Variants in FMN1 observed in about 807,000 individuals in gnomAD.
The protein encoded by FMN1 is formin 1.
In FMN1, 110 loss-of-function variants were observed where a neutral mutation model predicts 132.4. That is an observed-to-expected ratio of 0.83 (90% CI 0.71 to 0.97). The LOEUF is 0.97. Ranked by LOEUF, FMN1 falls within the 50% of genes least tolerant of loss-of-function variation. The probability of loss-of-function intolerance (pLI) is 0.00; values close to 1 mark genes in which losing one functional copy is unlikely to be tolerated. For synonymous variants in FMN1, 722 were observed against 651.7 expected (o/e 1.11, Z -1.64); for missense variants, 1,792 against 1,705.3 (o/e 1.05, Z -0.90).
chr15:32,798,271 G>A (rs1048485904), intron 19 of FMN1, among the ~76,000 whole-genome samples: 54 of 151,712 alleles, frequency 3.6e-4, no homozygotes, highest in Admixed American at 5.3e-4. Flanking sequence ...AATAAAATCG[G>A]GGGCTGCAAC....
At position 33,153,934 on chromosome 15, in the gene FMN1, G is replaced by T; in HGVS notation, c.981C>A (p.Ser327=). The part of the protein sequence containing the change: ...AKRTCKQKPV[S]KVVAKVQDLS... ...GGTCCTGAACTTTGGCCACCACTTTGGAGACAGGTTTCTGCTTGCAAGTCC... is the reference window on the plus strand; with the variant it reads ...GGTCCTGAACTTTGGCCACCACTTTTGAGACAGGTTTCTGCTTGCAAGTCC... The change falls in exon 4 of 21, where the codon TCC becomes TCA. Residue 327 remains serine (S), a synonymous_variant. Transcript: ENST00000616417. The T allele has an allele frequency of 1.3e-6, 2 of 1,536,744 alleles. No individual in the cohort carries two copies. The highest frequency in any genetic ancestry group is 1.7e-6 in the Non-Finnish European group (2 of 1,147,054).
intron 4 of FMN1, among the ~76,000 whole-genome samples, chr15:33,130,351 A>G (rs1595543879): frequency 6.6e-6 from 1 of 152,374 alleles, no homozygotes; most frequent in African/African-American, 2.4e-5. Context: ...CTAAATATAT[A>G]GACAATTTTT....
chr15:33,147,128 G>A (rs1964255230), intron 4 of FMN1, among the ~76,000 whole-genome samples: 1 of 146,724 alleles, frequency 6.8e-6, no homozygotes, highest in African/African-American at 2.5e-5. Flanking sequence ...TCACGCCACT[G>A]TACTCTAGCC....
intron 3 of FMN1, among the ~76,000 whole-genome samples, chr15:33,173,500 A>G (rs140889409): frequency 6.6e-6 from 1 of 152,224 alleles, no homozygotes; most frequent in Non-Finnish European, 1.5e-5. Flanking sequence ...TAAGAACTCA[A>G]AATGGTCATT....
chr15:32,998,550 T>C (rs1566807715), intron 7 of FMN1, among the ~76,000 whole-genome samples: 3 of 152,302 alleles, frequency 2.0e-5, no homozygotes, highest in East Asian at 1.9e-4. Flanking sequence ...TACAGAATTA[T>C]TGAGTGAGGC....
chr15:32,963,626 G>C (rs956095633), intron 9 of FMN1, among the ~76,000 whole-genome samples: 1 of 152,206 alleles, frequency 6.6e-6, no homozygotes, highest in South Asian at 2.1e-4. Context: ...CAAATGCCTA[G>C]CATGGTAAAC....
intron 17 of FMN1, among the ~76,000 whole-genome samples, chr15:32,848,802 T>C (rs1003015816): frequency 1.3e-5 from 2 of 152,214 alleles, no homozygotes; most frequent in African/African-American, 4.8e-5. Flanking sequence ...CATACGCCTA[T>C]GAACCTCATC....
intron 17 of FMN1, among the ~76,000 whole-genome samples, chr15:32,811,819 C>G (rs574134406): frequency 1.3e-5 from 2 of 152,226 alleles, no homozygotes; most frequent in South Asian, 2.1e-4. Flanking sequence ...CACATGCCAC[C>G]ATGCCTGGCT....
chr15:33,127,850 G>A (rs1455978835), intron 4 of FMN1, among the ~76,000 whole-genome samples: 22 of 152,206 alleles, frequency 1.4e-4, no homozygotes, highest in Admixed American at 9.2e-4. Context: ...GTTGGTAAGA[G>A]AGAAGTGAGA....
chr15:32,798,348 T>C (rs1398415438), intron 19 of FMN1, among the ~76,000 whole-genome samples: 2 of 152,120 alleles, frequency 1.3e-5, no homozygotes, highest in Non-Finnish European at 2.9e-5. Flanking sequence ...GCGCTGTAAA[T>C]CCAATGCGGG....
At chr15:32,927,226 T>C (rs542736194) in intron 9 of FMN1, among the ~76,000 whole-genome samples, 363 of 152,334 alleles carry the variant, frequency 2.4e-3, no homozygotes, top group Non-Finnish European at 4.7e-3. Context: ...ATAAACAATA[T>C]AATACCTTGC....
chr15:33,152,830 T>G (rs1964500261), intron 4 of FMN1, among the ~76,000 whole-genome samples: 1 of 135,490 alleles, frequency 7.4e-6, no homozygotes, highest in Non-Finnish European at 1.6e-5. Context: ...ATTCACAAAG[T>G]CCTGGAAGCA....
intron 6 of FMN1, among the ~76,000 whole-genome samples, chr15:33,018,112 A>T (rs549536450): frequency 6.6e-6 from 1 of 151,840 alleles, no homozygotes; most frequent in East Asian, 1.9e-4. Context: ...TACCCCCTTA[A>T]GGTGATGGTA....
At chr15:32,951,500 C>T (rs575592662) in intron 9 of FMN1, among the ~76,000 whole-genome samples, 1 of 152,124 alleles carries the variant, frequency 6.6e-6, no homozygotes, top group South Asian at 2.1e-4. Context: ...TAACTAGCAG[C>T]CCCTGGGGTC....
chr15:32,962,483 T>C (rs1401424904), intron 9 of FMN1, among the ~76,000 whole-genome samples: 2 of 151,488 alleles, frequency 1.3e-5, no homozygotes, highest in African/African-American at 2.4e-5. Flanking sequence ...AAAGACAAAA[T>C]TGACAAATGG....
chr15:32,785,200 G>GTGTATA (rs1431363268), intron 19 of FMN1, among the ~76,000 whole-genome samples: 2 of 27,258 alleles, frequency 7.3e-5, no homozygotes, highest in African/African-American at 1.3e-4. Flanking sequence ...GTGTGTGTGT[G>GTGTATA]TATATATATA....
At chr15:32,862,086 C>CAATT (rs2059282591) in intron 16 of FMN1, among the ~76,000 whole-genome samples, 1 of 152,054 alleles carries the variant, frequency 6.6e-6, no homozygotes, top group African/African-American at 2.4e-5. Flanking sequence ...TTGCCTGCTC[C>CAATT]AATTTATTGA....
In FMN1 at chr15:32,948,960, A is replaced by AT. The variant is rs559521538; in HGVS notation, c.3138+15146dup. 1.3e-4 allele frequency among the ~76,000 whole-genome samples: 19 copies of AT among 151,394 alleles called. No individual in the cohort carries two copies. In the East Asian group the frequency reaches 2.1e-3, roughly 17 times the overall value. On this transcript the variant is annotated intron_variant, in intron 9 of 20. Transcript: ENST00000616417. The stretch of plus-strand genomic sequence containing the variant: ...CTAATATTTCCTTTTAATTTCTTTG[A>AT]TTTTTTTGTATTTTTCTAGTTATTG...
At chr15:33,186,339 C>T (rs114168162) in intron 2 of FMN1, among the ~76,000 whole-genome samples, 4,338 of 152,192 alleles carry the variant, frequency 0.029, 202 homozygotes, top group African/African-American at 0.099. Flanking sequence ...TCCTGAGACA[C>T]TTTCTCATGC....
Sources: allele counts gnomAD v4.1 joint callset (sites outside exome capture counted in the v4.1 genomes callset), GRCh38; gene constraint gnomAD v4.1.1; transcripts MANE v1.5; gene names NCBI Gene and HGNC (gene_info 2026-07-23, HGNC 2026-07-21).